ST6GALNAC2: variants seen among roughly 807,000 people sequenced by gnomAD.
ST6GALNAC2 encodes ST6 N-acetylgalactosaminide alpha-2,6-sialyltransferase 2, also known as alpha-N-acetylgalactosaminide alpha-2,6-sialyltransferase 2.
A neutral mutation model predicts 38.7 loss-of-function variants in ST6GALNAC2; 42 were observed. The observed-to-expected ratio is 1.09, with a 90% confidence interval of 0.85 to 1.40. The LOEUF is 1.40. Ranked by LOEUF, ST6GALNAC2 falls within the 40% of genes most tolerant of loss-of-function variation. ST6GALNAC2 has a pLI of 0.00. For synonymous variants in ST6GALNAC2, 233 were observed against 209.0 expected (o/e 1.11, Z -0.99); for missense variants, 506 against 481.7 (o/e 1.05, Z -0.47).
At chr17:76,584,595 G>A (rs141564963) in intron 1 of ST6GALNAC2, among the ~76,000 whole-genome samples, 4 of 152,124 alleles carry the variant, frequency 2.6e-5, no homozygotes, top group African/African-American at 4.8e-5. Context: ...TCCCACCTCC[G>A]CCTCCCAGAG....
chr17:76,573,163 T>G lies in ST6GALNAC2; in HGVS notation c.530+32A>C. The G allele has an allele frequency of 1.8e-4, 149 of 850,068 alleles. No homozygotes were observed. The highest frequency in any genetic ancestry group is 2.5e-4 in the Non-Finnish European group (137 of 547,728). 52.7% of individuals were successfully genotyped at this position (850,068 alleles called of 1,614,324 possible). A position where few individuals can be genotyped will look rare whatever the true frequency, so the allele number is the denominator to read the frequency against. On this transcript the variant is annotated intron_variant, in intron 4 of 8. Transcript: ENST00000225276. The surrounding 1 kb of genome is among the most constrained non-coding windows in gnomAD (Gnocchi z 5.1). The stretch of plus-strand genomic sequence containing the variant: ...CCCCCACCCTCCAGGCAACTCTCCC[T>G]CCCGCCCCTCCCCAGCTCCTACCCC...
intron 5 of ST6GALNAC2, 127 bp downstream of exon 5, chr17:76,572,510 C>T (rs1352147328): frequency 6.0e-6 from 7 of 1,161,322 alleles, no homozygotes; most frequent in Non-Finnish European, 7.2e-6. Flanking sequence ...ATCTTGCATC[C>T]AGAATCCTGG....
rs75438984 is a variant in ST6GALNAC2 at position 76,578,640 on chromosome 17, G to A, written c.186+116C>T. On this transcript the variant is annotated intron_variant, in intron 2 of 8. Transcript: ENST00000225276. ...CGGATGCTCAGCTGTAACTTAGGGC[G>A]TTCCAAAGAGCTCCTGCCCAGCAAT... is the stretch of plus-strand genomic sequence containing the variant. The A allele has an allele frequency of 2.2e-3, 2,097 of 965,192 alleles. 20 individuals are homozygous for A. The African/African-American group carries it at 0.023, about 10-fold the overall frequency. 59.8% of individuals were successfully genotyped at this position (965,192 alleles called of 1,614,324 possible).
At chr17:76,585,081 G>C (rs1248594952) in intron 1 of ST6GALNAC2, among the ~76,000 whole-genome samples, 1 of 152,234 alleles carries the variant, frequency 6.6e-6, no homozygotes, top group Non-Finnish European at 1.5e-5. Flanking sequence ...ATGGAGCCAG[G>C]AGTCACCCCT....
chr17:76,575,988 A>T (rs544319497), intron 2 of ST6GALNAC2, among the ~76,000 whole-genome samples: 2 of 152,356 alleles, frequency 1.3e-5, no homozygotes, highest in East Asian at 3.9e-4. Context: ...TCACCCCTCT[A>T]ATGCCAGCGC....
chr17:76,584,993 C>T (rs2075527467), intron 1 of ST6GALNAC2, among the ~76,000 whole-genome samples: 1 of 152,274 alleles, frequency 6.6e-6, no homozygotes, highest in Non-Finnish European at 1.5e-5. Context: ...CCAGGTTCTC[C>T]TCGTGGGACA....
intron 6 of ST6GALNAC2, chr17:76,569,243 G>A (rs1807144124): frequency 5.4e-6 from 2 of 373,088 alleles, no homozygotes; most frequent in Admixed American, 9.7e-5. Flanking sequence ...GGCACATAGG[G>A]GGTGATATAG....
chr17:76,574,133 T>G lies in ST6GALNAC2; in HGVS notation c.361+232A>C, dbSNP rs1392127630. On this transcript the variant is annotated intron_variant, in intron 3 of 8. Transcript: ENST00000225276. ...CTTTCTTGCCAGGGAGGCCCCAGGA[T>G]GGTGAGGCCCACTGGCGGGGGCAGC... Among the ~76,000 whole-genome samples the G allele has an allele frequency of 1.3e-5, 2 of 152,086 alleles. 1 individual carries two copies. Among genetic ancestry groups the G allele is most frequent in the East Asian group, 3.9e-4 (2 of 5,172 alleles).
chr17:76,567,688 G>C (rs2075302206), intron 7 of ST6GALNAC2, 136 bp from the exon 8 acceptor site: 2 of 612,886 alleles, frequency 3.3e-6, no homozygotes, highest in African/African-American at 3.7e-5. Context: ...TTCGGTCCAA[G>C]TGGACTAAAT....
In ST6GALNAC2 at chr17:76,568,678, A is replaced by C. The variant is rs768167228; in HGVS notation, c.857+35T>G. 3 of 1,607,016 alleles carry C rather than the reference A, an allele frequency of 1.9e-6. No homozygotes were observed. In the South Asian group the frequency reaches 3.3e-5, roughly 18 times the overall value. On this transcript the variant is annotated intron_variant, in intron 7 of 8. Coordinates refer to ENST00000225276, the MANE Select transcript of ST6GALNAC2 (RefSeq NM_006456.3). Reference sequence around the variant, plus strand: ...GGTGGGTGTGTAAAAGGGGGAAGGAAGGGGACGCTGTTCTTCAGGCACCCC... The same window carrying C: ...GGTGGGTGTGTAAAAGGGGGAAGGACGGGGACGCTGTTCTTCAGGCACCCC...
intron 3 of ST6GALNAC2, 102 bp downstream of exon 3, chr17:76,574,262 TG>T: frequency 7.4e-7 from 1 of 1,344,122 alleles, no homozygotes; most frequent in Non-Finnish European, 1.0e-6. Context: ...CAGGGAGACC[TG>T]GCATCACCAG....
chr17:76,569,772 G>T, intron 6 of ST6GALNAC2: 1 of 220,990 alleles, frequency 4.5e-6, no homozygotes, highest in Non-Finnish European at 7.9e-6. Context: ...ATCACCAAGC[G>T]GGGGTGGGGT....
In ST6GALNAC2 at chr17:76,567,452, C is replaced by T. The variant is rs770119908; in HGVS notation, c.957+1G>A. On this transcript the variant is annotated splice_donor_variant, in intron 8 of 8. Coordinates refer to ENST00000225276, the MANE Select transcript of ST6GALNAC2 (RefSeq NM_006456.3). LOFTEE classifies it high-confidence loss of function. ...GGCTTCTGGAAGAGAAGGCCTCTTA[C>T]CTGGTCACAGGTATGCAAAGCTGTC... The T allele has an allele frequency of 1.2e-6, 2 of 1,611,806 alleles. No individual in the cohort carries two copies. The highest frequency in any genetic ancestry group is 1.7e-6 in the Non-Finnish European group (2 of 1,178,012).
intron 2 of ST6GALNAC2, among the ~76,000 whole-genome samples, chr17:76,575,004 A>AG (rs1486484279): frequency 6.6e-6 from 1 of 152,052 alleles, no homozygotes; most frequent in African/African-American, 2.4e-5. Context: ...CTGAGCTGGC[A>AG]GCTAGGGGGT....
Position 76,573,398 on chromosome 17 carries a change from G to A in ST6GALNAC2, c.362-35C>T, listed in dbSNP as rs758311956. 6.8e-7 allele frequency: 1 copy of A among 1,480,030 alleles called. No homozygotes were observed. The highest frequency in any genetic ancestry group is 9.0e-7 in the Non-Finnish European group (1 of 1,112,424). The allele number at this position is 1,480,030 out of a possible 1,614,324, so 91.7% of individuals were successfully genotyped here. On this transcript the variant is annotated intron_variant, in intron 3 of 8. Coordinates refer to ENST00000225276, the MANE Select transcript of ST6GALNAC2 (RefSeq NM_006456.3). This position sits in a 1 kb window ranked among gnomAD's most constrained non-coding sequence, Gnocchi z 5.1. The stretch of plus-strand genomic sequence containing the variant: ...CAGATGGGGAGCAGCCATGAGGAGG[G>A]CTGGCATCGGGGGCACCTGGGGCCT...
rs373256793 is a variant in ST6GALNAC2, at chr17:76,568,793, C to T, written c.777G>A (p.Pro259=). 31 of 1,612,868 alleles carry T rather than the reference C, an allele frequency of 1.9e-5. No homozygotes were observed. Among genetic ancestry groups the T allele is most frequent in the African/African-American group, 1.2e-4 (9 of 74,816 alleles). Residue 259 remains proline, a synonymous_variant, in exon 7 of 9, where the codon CCG becomes CCA. Transcript: ENST00000225276. Reference sequence around the variant, plus strand: ...AGGCTTCTGGTCCAAAATAGGCGTGCGGCCTAGGACCCATGATAGAAGTGG... The same window carrying T: ...AGGCTTCTGGTCCAAAATAGGCGTGTGGCCTAGGACCCATGATAGAAGTGG... ...VPEGLDKGDR[P]HAYFGPEASA... is the part of the protein sequence containing the mutation.
rs549380263 is a variant in ST6GALNAC2, at chr17:76,584,648, C to T, written c.125+1036G>A. 4.7e-4 allele frequency among the ~76,000 whole-genome samples: 72 copies of T among 152,264 alleles called. No individual in the cohort carries two copies. The South Asian group carries it at 0.015, about 31-fold the overall frequency. ...TTAAGTCACCGTGGCGGGGCAAGCA[C>T]CCTTTGTTCTAAGAGTGCTGGACTC... is the stretch of plus-strand genomic sequence containing the variant. On this transcript the variant is annotated intron_variant, in intron 1 of 8. Coordinates refer to ENST00000225276, the MANE Select transcript of ST6GALNAC2 (RefSeq NM_006456.3).
intron 2 of ST6GALNAC2, among the ~76,000 whole-genome samples, chr17:76,577,831 C>G (rs1196609111): frequency 6.6e-6 from 1 of 152,060 alleles, no homozygotes; most frequent in Admixed American, 6.5e-5. Flanking sequence ...CCTCGGCCCC[C>G]CAAAGTGCTG....
In ST6GALNAC2 at chr17:76,566,237, C is replaced by T; in HGVS notation, c.992G>A (p.Trp331Ter). Residue 331 changes from tryptophan (W) to a stop codon, truncating the protein, a stop_gained, in exon 9 of 9, where the codon TGG becomes TAG. Transcript: ENST00000225276. LOFTEE classifies it low-confidence loss of function (END_TRUNC). Reference sequence around the variant, plus strand: ...TTCGAAATAGTGGTCGGAAAATTTCCAGTAGTTGCTTGTGATGAATCCATA... The same window carrying T: ...TTCGAAATAGTGGTCGGAAAATTTCTAGTAGTTGCTTGTGATGAATCCATA... ...SAYGFITSNY[W>*]KFSDHYFERK... is the part of the protein sequence containing the mutation. 6.2e-7 allele frequency: 1 copy of T among 1,614,078 alleles called. No individual in the cohort carries two copies. Among genetic ancestry groups the T allele is most frequent in the Non-Finnish European group, 8.5e-7 (1 of 1,180,020 alleles).
Sources: gnomAD v4.1 joint callset for allele counts (sites outside exome capture counted in the v4.1 genomes callset) on GRCh38, gnomAD v4.1.1 for gene constraint, Gnocchi (gnomAD v3.1) non-coding constraint, MANE v1.5 for transcripts, NCBI Gene and HGNC (gene_info 2026-07-23, HGNC 2026-07-21) for gene names.